The following SERINC1 variants were observed in gnomAD, a reference collection of about 807,000 sequenced individuals.
SERINC1 encodes tumor differentially expressed protein 2.
In SERINC1, 38 loss-of-function variants were observed where a neutral mutation model predicts 52.9. That is an observed-to-expected ratio of 0.72 (90% CI 0.55 to 0.94). SERINC1 has a LOEUF of 0.94. Ranked by LOEUF, SERINC1 falls within the 40% of genes least tolerant of loss-of-function variation. SERINC1 has a pLI of 0.00. For synonymous variants in SERINC1, 198 were observed against 183.1 expected (o/e 1.08, Z -0.66); for missense variants, 471 against 533.9 (o/e 0.88, Z 1.16).
rs2185262 is a variant in SERINC1, at chr6:122,451,572, A to T, written c.850+92T>A. On this transcript the variant is annotated intron_variant, in intron 7 of 9. Transcript: ENST00000339697. ...TGTACTTTATTCCTCTAGAAGCCTA[A>T]TTTTTAAGTAATTTAATCTCACAAA... 6.0e-4 allele frequency: 287 copies of T among 481,462 alleles called. 1 individual carries two copies. In the Admixed American group the frequency reaches 9.5e-3, roughly 16 times the overall value. 29.8% of individuals were successfully genotyped at this position (481,462 alleles called of 1,614,324 possible).
At chr6:122,460,610 A>G (rs1347586950) in intron 1 of SERINC1, among the ~76,000 whole-genome samples, 1 of 152,250 alleles carries the variant, frequency 6.6e-6, no homozygotes. Context: ...CCCAAGTCAA[A>G]GATAAAAGCC....
Position 122,451,849 on chromosome 6 carries a change from G to GTA in SERINC1, c.759+37_759+38dup, listed in dbSNP as rs1774913854. Reference sequence around the variant, plus strand: ...TCTAGATTTTTGAAAACTTAAAAAGGTATAAGCTTCATAAAAACTAATGCT... The same window carrying GTA: ...TCTAGATTTTTGAAAACTTAAAAAGGTATATAAGCTTCATAAAAACTAATGCT... On this transcript the variant is annotated intron_variant, in intron 6 of 9. Coordinates refer to ENST00000339697, the MANE Select transcript of SERINC1 (RefSeq NM_020755.4). The GTA allele has an allele frequency of 2.9e-6, 4 of 1,370,248 alleles. No homozygotes were observed. In the East Asian group the frequency reaches 1.2e-4, roughly 40 times the overall value. The allele number at this position is 1,370,248 out of a possible 1,614,324, so 84.9% of individuals were successfully genotyped here.
At chr6:122,448,788 ATTTTT>A (rs67382351) in intron 7 of SERINC1, among the ~76,000 whole-genome samples, 2 of 119,480 alleles carry the variant, frequency 1.7e-5, no homozygotes, top group East Asian at 2.4e-4. Flanking sequence ...TGCTTTGCCT[ATTTTT>A]TTTTTTTTTT....
intron 1 of SERINC1, among the ~76,000 whole-genome samples, chr6:122,469,968 T>C (rs1330609881): frequency 1.3e-5 from 2 of 152,212 alleles, no homozygotes; most frequent in Admixed American, 6.5e-5. Context: ...TCAATGACTA[T>C]TGGCCTGCAG....
At chr6:122,450,913 A>C (rs1434001720) in intron 7 of SERINC1, among the ~76,000 whole-genome samples, 1 of 152,176 alleles carries the variant, frequency 6.6e-6, no homozygotes, top group Non-Finnish European at 1.5e-5. Context: ...TTTGAGATGG[A>C]ATTTACTCCT....
intron 1 of SERINC1, among the ~76,000 whole-genome samples, chr6:122,467,018 G>A (rs184849629): frequency 1.2e-4 from 18 of 152,272 alleles, no homozygotes; most frequent in Admixed American, 9.8e-4. Context: ...AGACTTCTAT[G>A]ACCAAAGTGT....
intron 1 of SERINC1, among the ~76,000 whole-genome samples, chr6:122,469,709 C>T (rs1438160810): frequency 1.3e-5 from 2 of 152,152 alleles, no homozygotes; most frequent in African/African-American, 2.4e-5. Context: ...GCATGTGCCA[C>T]CATACCCAGC....
At chr6:122,471,053 C>A (rs1025802008) in intron 1 of SERINC1, among the ~76,000 whole-genome samples, 1 of 150,660 alleles carries the variant, frequency 6.6e-6, no homozygotes, top group Non-Finnish European at 1.5e-5. Flanking sequence ...TGTCATTAGG[C>A]ACAAGGCATG....
Position 122,447,285 on chromosome 6 carries a change from T to C in SERINC1, c.851-20A>G. On this transcript the variant is annotated intron_variant, in intron 7 of 9. Coordinates refer to ENST00000339697, the MANE Select transcript of SERINC1 (RefSeq NM_020755.4). The stretch of plus-strand genomic sequence containing the variant: ...TTGTTTCTGTAATATAAAGCCAAAT[T>C]AAAATGTTAGAATATATTAAAAAGA... 1 of 1,574,242 alleles carries C rather than the reference T, an allele frequency of 6.4e-7. No individual in the cohort carries two copies. Among genetic ancestry groups the C allele is most frequent in the Non-Finnish European group, 8.7e-7 (1 of 1,146,130 alleles).
At position 122,452,091 on chromosome 6, in the gene SERINC1, T is replaced by C. The variant is rs774689718; in HGVS notation, c.590-34A>G. On this transcript the variant is annotated intron_variant, in intron 5 of 9. Transcript: ENST00000339697. ...GAAATATAATTGGATAATTAGCTTT[T>C]TATCAGAAATTATTAGCAATTAGAA... 1.8e-5 allele frequency: 24 copies of C among 1,317,854 alleles called. No homozygotes were observed. The East Asian group carries it at 6.4e-4, about 35-fold the overall frequency. 81.6% of individuals were successfully genotyped at this position (1,317,854 alleles called of 1,614,324 possible).
At chr6:122,449,862 C>A (rs1375911668) in intron 7 of SERINC1, among the ~76,000 whole-genome samples, 1 of 151,922 alleles carries the variant, frequency 6.6e-6, no homozygotes, top group Non-Finnish European at 1.5e-5. Context: ...ACTAAAAATA[C>A]AAAATTAGCT....
intron 1 of SERINC1, among the ~76,000 whole-genome samples, chr6:122,470,708 G>C (rs1775273739): frequency 6.6e-6 from 1 of 152,016 alleles, no homozygotes; most frequent in African/African-American, 2.4e-5. Flanking sequence ...AAACCTTTAA[G>C]AGTATATATA....
chr6:122,448,590 A>G (rs984628820), intron 7 of SERINC1, among the ~76,000 whole-genome samples: 1 of 152,180 alleles, frequency 6.6e-6, no homozygotes, highest in African/African-American at 2.4e-5. Flanking sequence ...TATCAAATTC[A>G]ATTGTAAGGT....
At position 122,451,878 on chromosome 6, in the gene SERINC1, A is replaced by G. The variant is rs1376416328; in HGVS notation, c.759+10T>C. ...AAGCTTCATAAAAACTAATGCTTTAAAGGGCATACTTGGATTTTTGGCAGT... is the reference window on the plus strand; with the variant it reads ...AAGCTTCATAAAAACTAATGCTTTAGAGGGCATACTTGGATTTTTGGCAGT... On this transcript the variant is annotated intron_variant, in intron 6 of 9. Coordinates refer to ENST00000339697, the MANE Select transcript of SERINC1 (RefSeq NM_020755.4). The G allele has an allele frequency of 2.0e-6, 3 of 1,498,710 alleles. No homozygotes were observed. Among genetic ancestry groups the G allele is most frequent in the Non-Finnish European group, 2.7e-6 (3 of 1,127,222 alleles). The allele number at this position is 1,498,710 out of a possible 1,614,324, so 92.8% of individuals were successfully genotyped here.
chr6:122,464,662 G>A (rs1775157107), intron 1 of SERINC1, among the ~76,000 whole-genome samples: 1 of 152,134 alleles, frequency 6.6e-6, no homozygotes, highest in Non-Finnish European at 1.5e-5. Context: ...AAAAACCAAA[G>A]AACTTAGAGA....
rs750920534 is a variant in SERINC1, at chr6:122,451,758, CA to C, written c.760-5del. ...AACCAGATCTTGGTTGTGATTCCTACAAAAAAAAAAAAAAAAAAATATATAT... is the reference window on the plus strand; with the variant it reads ...AACCAGATCTTGGTTGTGATTCCTACAAAAAAAAAAAAAAAAAATATATAT... On this transcript the variant is annotated splice_region_variant and splice_polypyrimidine_tract_variant and intron_variant, in intron 6 of 9. Transcript: ENST00000339697. 9.8e-3 allele frequency: 865 copies of C among 88,494 alleles called. 1 individual carries two copies. Among genetic ancestry groups the C allele is most frequent in the Non-Finnish European group, 0.012 (754 of 60,594 alleles). The allele number at this position is 88,494 out of a possible 1,614,324, so 5.5% of individuals were successfully genotyped here.
Position 122,444,968 on chromosome 6 carries a change from C to T in SERINC1, c.*76G>A. 1.4e-6 allele frequency: 2 copies of T among 1,453,308 alleles called. No homozygotes were observed. The highest frequency in any genetic ancestry group is 1.9e-6 in the Non-Finnish European group (2 of 1,062,792). The allele number at this position is 1,453,308 out of a possible 1,614,324, so 90.0% of individuals were successfully genotyped here. A position where few individuals can be genotyped will look rare whatever the true frequency, so the allele number is the denominator to read the frequency against. On this transcript the variant is annotated 3_prime_UTR_variant, in exon 10 of 10. Coordinates refer to ENST00000339697, the MANE Select transcript of SERINC1 (RefSeq NM_020755.4). ...GTTACATGGGAAGCAAAAACATACA[C>T]AACTTTACAAAAGTTGGGAATACTG... is the stretch of plus-strand genomic sequence containing the variant.
At position 122,455,923 on chromosome 6, in the gene SERINC1, A is replaced by G. The variant is rs137863053; in HGVS notation, c.371+558T>C. On this transcript the variant is annotated intron_variant, in intron 3 of 9. Transcript: ENST00000339697. Reference sequence around the variant, plus strand: ...AAAGGAACAAAATAAAGGAAAAGCAACCCGTCACATATTTTCTCATTAATA... The same window carrying G: ...AAAGGAACAAAATAAAGGAAAAGCAGCCCGTCACATATTTTCTCATTAATA... Among the ~76,000 whole-genome samples the G allele has an allele frequency of 3.3e-4, 50 of 152,260 alleles. No individual in the cohort carries two copies. The East Asian group carries it at 8.9e-3, about 27-fold the overall frequency.
rs770907509 is a variant in SERINC1 at position 122,451,746 on chromosome 6, T to C, written c.768A>G (p.Gln256=). 1.7e-5 allele frequency: 11 copies of C among 659,748 alleles called. No individual in the cohort carries two copies. Among genetic ancestry groups the C allele is most frequent in the South Asian group, 4.2e-5 (1 of 23,654 alleles). 40.9% of individuals were successfully genotyped at this position (659,748 alleles called of 1,614,324 possible). A position where few individuals can be genotyped will look rare whatever the true frequency, so the allele number is the denominator to read the frequency against. The change falls in exon 7 of 10, where the codon CAA becomes CAG. Residue 256 remains glutamine, a synonymous_variant. Coordinates refer to ENST00000339697, the MANE Select transcript of SERINC1 (RefSeq NM_020755.4). The stretch of plus-strand genomic sequence containing the variant: ...AAGACTGTAACAAACCAGATCTTGG[T>C]TGTGATTCCTACAAAAAAAAAAAAA... ...MSILPKIQES[Q]PRSGLLQSSV...
Sources: gnomAD v4.1 joint callset for allele counts (sites outside exome capture counted in the v4.1 genomes callset) on GRCh38, gnomAD v4.1.1 for gene constraint, MANE v1.5 for transcripts, NCBI Gene and HGNC (gene_info 2026-07-23, HGNC 2026-07-21) for gene names.